The following YEATS2 variants were observed in gnomAD, a reference collection of about 807,000 sequenced individuals.
The protein encoded by YEATS2 is YEATS domain containing 2, also known as YEATS domain-containing protein 2.
Under a neutral mutation model 163.2 loss-of-function variants are expected in YEATS2, and 77 were observed. The ratio of observed to expected loss-of-function variants is 0.47; its 90% CI spans 0.39 to 0.57. The LOEUF (loss-of-function observed/expected upper bound fraction) is 0.57, where lower values mean the gene tolerates loss of function less well. YEATS2 is among the 20% of genes least tolerant of loss of function. YEATS2 has a pLI of 0.00. For missense variants in YEATS2, 1,549 were observed against 1,729.8 expected (o/e 0.90, Z 1.85); for synonymous variants, 631 against 645.1 (o/e 0.98, Z 0.33).
At chr3:183,698,572 A>G (rs1713735664) in intron 1 of YEATS2, among the ~76,000 whole-genome samples, 1 of 152,216 alleles carries the variant, frequency 6.6e-6, no homozygotes, top group Admixed American at 6.5e-5. Context: ...TGCAGAAGAC[A>G]ATGAGGTTTT....
Position 183,810,799 on chromosome 3 carries a change from C to A in YEATS2, c.*216C>A. ...TTTGTTTCCTGAGTGTGGAGTGAGGCTGTCAGTGGATCCGTGCTTTGTCGG... is the reference window on the plus strand; with the variant it reads ...TTTGTTTCCTGAGTGTGGAGTGAGGATGTCAGTGGATCCGTGCTTTGTCGG... On this transcript the variant is annotated 3_prime_UTR_variant, in exon 31 of 31. Coordinates refer to ENST00000305135, the MANE Select transcript of YEATS2 (RefSeq NM_018023.5). 1.8e-6 allele frequency: 1 copy of A among 543,736 alleles called. No individual in the cohort carries two copies. The highest frequency in any genetic ancestry group is 3.3e-6 in the Non-Finnish European group (1 of 301,666). The allele number at this position is 543,736 out of a possible 1,614,324, so 33.7% of individuals were successfully genotyped here. A position where few individuals can be genotyped will look rare whatever the true frequency, so the allele number is the denominator to read the frequency against.
intron 17 of YEATS2, among the ~76,000 whole-genome samples, chr3:183,775,607 G>A (rs887066054): frequency 1.3e-5 from 2 of 152,068 alleles, no homozygotes; most frequent in African/African-American, 4.8e-5. Context: ...AAAATACTTG[G>A]CTAGAAAATG....
chr3:183,703,909 C>T (rs549584318), intron 1 of YEATS2, among the ~76,000 whole-genome samples: 5 of 151,986 alleles, frequency 3.3e-5, no homozygotes, highest in African/African-American at 1.2e-4. Flanking sequence ...GCTTGTAATC[C>T]CAGCACTTTG....
intron 3 of YEATS2, among the ~76,000 whole-genome samples, chr3:183,717,980 A>G (rs1243850960): frequency 6.6e-6 from 1 of 152,052 alleles, no homozygotes; most frequent in African/African-American, 2.4e-5. Context: ...TCAAAAAGAT[A>G]ATCTTCTGAT....
chr3:183,729,025 C>T (rs1216072913), intron 7 of YEATS2, among the ~76,000 whole-genome samples, 174 bp downstream of exon 7: 1 of 152,178 alleles, frequency 6.6e-6, no homozygotes, highest in Non-Finnish European at 1.5e-5. Context: ...ATAATCCAAG[C>T]ACTTTGGGAG....
At chr3:183,727,587 T>C (rs1717250451) in intron 6 of YEATS2, among the ~76,000 whole-genome samples, 1 of 152,152 alleles carries the variant, frequency 6.6e-6, no homozygotes, top group African/African-American at 2.4e-5. Flanking sequence ...GGCCCCCCCA[T>C]ATCACTAAGG....
At chr3:183,705,366 A>G (rs1222254330) in intron 1 of YEATS2, among the ~76,000 whole-genome samples, 1 of 152,140 alleles carries the variant, frequency 6.6e-6, no homozygotes, top group East Asian at 1.9e-4. Context: ...CTGTATTTTT[A>G]TAAATTGTCT....
chr3:183,752,505 T>TA (rs1015141173), intron 10 of YEATS2, among the ~76,000 whole-genome samples: 1 of 151,808 alleles, frequency 6.6e-6, no homozygotes, highest in African/African-American at 2.4e-5. Context: ...GTCAGGAGAT[T>TA]AAGACCATCC....
rs548041407 is a variant in YEATS2 at position 183,789,103 on chromosome 3, T to C, written c.2914-1694T>C. Among the ~76,000 whole-genome samples, 99 of 152,352 alleles carry C rather than the reference T, an allele frequency of 6.5e-4. 1 individual carries two copies. Among genetic ancestry groups the C allele is most frequent in the African/African-American group, 2.3e-3 (96 of 41,594 alleles). ...CTGTCTCTTTGTTGATTGTTTTCTT[T>C]GCTGTGCAGAAGCTTTTTAACTTGA... On this transcript the variant is annotated intron_variant, in intron 20 of 30. Coordinates refer to ENST00000305135, the MANE Select transcript of YEATS2 (RefSeq NM_018023.5).
Position 183,777,579 on chromosome 3 carries a change from C to T in YEATS2, c.2615C>T (p.Ser872Phe), listed in dbSNP as rs1274584838. 1 of 1,614,114 alleles carries T rather than the reference C, an allele frequency of 6.2e-7. No homozygotes were observed. Among genetic ancestry groups the T allele is most frequent in the Non-Finnish European group, 8.5e-7 (1 of 1,180,008 alleles). The change falls in exon 19 of 31, where the codon TCT (serine) becomes TTT (phenylalanine). Residue 872 changes from serine (S) to phenylalanine (F), a missense_variant. Transcript: ENST00000305135. ...GTTGGCCAGCCATCACCCCAGACTT[C>T]TGGAAAACAACTCACCACTGGGTCA... is the stretch of plus-strand genomic sequence containing the variant. ...FLVGQPSPQT[S>F]GKQLTTGSVV...
At chr3:183,758,240 C>T (rs1220209322) in intron 12 of YEATS2, among the ~76,000 whole-genome samples, 34 of 151,920 alleles carry the variant, frequency 2.2e-4, no homozygotes, top group Admixed American at 2.2e-3. Context: ...GCCTGTAGTC[C>T]CAGCTACTGG....
intron 6 of YEATS2, among the ~76,000 whole-genome samples, chr3:183,725,205 G>A (rs1175402438): frequency 1.3e-5 from 2 of 152,020 alleles, no homozygotes; most frequent in East Asian, 1.9e-4. Flanking sequence ...GATAAATAAG[G>A]GGAAGATGTT....
chr3:183,775,826 G>A, intron 17 of YEATS2, 89 bp from the exon 18 acceptor site: 1 of 1,584,920 alleles, frequency 6.3e-7, no homozygotes, highest in Non-Finnish European at 8.6e-7. Context: ...GCACTAAAAG[G>A]GAAACATCTC....
At chr3:183,796,037 C>T (rs924313589) in intron 21 of YEATS2, among the ~76,000 whole-genome samples, 3 of 142,952 alleles carry the variant, frequency 2.1e-5, no homozygotes, top group Non-Finnish European at 4.5e-5. Context: ...GGCTGGAGTG[C>T]AATGGCGTGA....
intron 21 of YEATS2, among the ~76,000 whole-genome samples, chr3:183,793,892 C>T (rs1577207036): frequency 6.6e-6 from 1 of 152,142 alleles, no homozygotes; most frequent in Non-Finnish European, 1.5e-5. Flanking sequence ...GGATTACAGG[C>T]GTGAGCCACC....
intron 1 of YEATS2, among the ~76,000 whole-genome samples, chr3:183,706,331 G>A (rs1029052375): frequency 7.9e-5 from 12 of 152,094 alleles, no homozygotes; most frequent in South Asian, 2.1e-4. Flanking sequence ...GAGACAGGGC[G>A]CAGTTCACAT....
At chr3:183,803,820 A>G in intron 26 of YEATS2, 167 bp from the exon 27 acceptor site, 1 of 688,064 alleles carries the variant, frequency 1.5e-6, no homozygotes, top group Non-Finnish European at 2.4e-6. Flanking sequence ...AGCATTAGGG[A>G]AGTTCGACTT....
chr3:183,707,920 C>A (rs993294392), intron 1 of YEATS2, among the ~76,000 whole-genome samples: 1 of 151,880 alleles, frequency 6.6e-6, no homozygotes, highest in Non-Finnish European at 1.5e-5. Flanking sequence ...GTGATCCACC[C>A]GCCTTGGCCT....
At chr3:183,741,838 G>A (rs1028122751) in intron 8 of YEATS2, among the ~76,000 whole-genome samples, 3 of 152,126 alleles carry the variant, frequency 2.0e-5, no homozygotes, top group Admixed American at 2.0e-4. Context: ...TTGTATTCAT[G>A]CCTGCTAACA....
Sources: allele counts gnomAD v4.1 joint callset (sites outside exome capture counted in the v4.1 genomes callset), GRCh38; gene constraint gnomAD v4.1.1; transcripts MANE v1.5; gene names NCBI Gene and HGNC (gene_info 2026-07-23, HGNC 2026-07-21).